Variants in FAS observed in about 807,000 individuals in gnomAD.
FAS encodes the protein Fas cell surface death receptor.
Under a neutral mutation model 33.2 loss-of-function variants are expected in FAS, and 5 were observed. The observed-to-expected ratio is 0.15, with a 90% CI of 0.08 to 0.32. The LOEUF (loss-of-function observed/expected upper bound fraction) is 0.32. Ranked by LOEUF, FAS falls within the 10% of genes least tolerant of loss-of-function variation. The probability of loss-of-function intolerance (pLI) is 1.00; values close to 1 mark genes in which losing one functional copy is unlikely to be tolerated. For missense variants in FAS, 339 were observed against 386.0 expected, an observed-to-expected ratio of 0.88 and a Z score of 1.02; for synonymous variants, 131 against 130.7, an observed-to-expected ratio of 1.00 and a Z score of -0.01.
intron 1 of FAS, among the ~76,000 whole-genome samples, chr10:89,000,207 C>A (rs1457563268): frequency 1.3e-5 from 2 of 152,116 alleles, no homozygotes; most frequent in Non-Finnish European, 2.9e-5. Context: ...AATTATAAGA[C>A]TACCAAAGAA....
chr10:89,014,277 C>T lies in FAS; in HGVS notation c.835C>T (p.Arg279Cys), dbSNP rs748130498. The T allele has an allele frequency of 5.0e-6, 8 of 1,613,902 alleles. No individual in the cohort carries two copies. The highest frequency in any genetic ancestry group is 2.2e-5 in the South Asian group (2 of 91,078). ...AGCAGAACAGAAAGTTCAACTGCTT[C>T]GTAATTGGCATCAACTTCATGGAAA... ...DTAEQKVQLL[R>C]NWHQLHGKKE... Residue 279 changes from arginine (R) to cysteine (C), a missense_variant, in exon 9 of 9, where the codon CGT (arginine) becomes TGT (cysteine). Transcript: ENST00000652046.
Position 88,978,572 on chromosome 10 carries a change from T to G in FAS, n.260+5225T>G, listed in dbSNP as rs534190554. Among the ~76,000 whole-genome samples, 12 of 152,306 alleles carry G rather than the reference T, an allele frequency of 7.9e-5. No homozygotes were observed. In the East Asian group the frequency reaches 2.3e-3, roughly 29 times the overall value. On this transcript the variant is annotated intron_variant and non_coding_transcript_variant, in intron 2 of 3. Transcript: ENST00000688239. ...AAGTGGTAAGAGAGAGAAAAGATTC[T>G]GTTCTATTGAAAGCCAATCTCAATG...
rs576604892 is a variant in FAS at position 88,995,296 on chromosome 10, T to C, written c.30+4390T>C. Among the ~76,000 whole-genome samples the C allele has an allele frequency of 2.0e-5, 3 of 152,278 alleles. No homozygotes were observed. In the East Asian group the frequency reaches 5.8e-4, roughly 29 times the overall value. On this transcript the variant is annotated intron_variant, in intron 1 of 8. Coordinates refer to ENST00000652046, the MANE Select transcript of FAS (RefSeq NM_000043.6). ...ACTGTCTTTGAAGTGACAGTGTGAG[T>C]AGTAAAGCCCAAATCAGAGAGAAAT...
At chr10:88,977,238 C>T (rs936660248) in intron 2 of FAS, among the ~76,000 whole-genome samples, 3 of 151,734 alleles carry the variant, frequency 2.0e-5, no homozygotes, top group African/African-American at 7.3e-5. Context: ...AGTCCTTGCC[C>T]ATGCCTATGT....
At chr10:88,967,086 A>G (rs1351565755) in intron 1 of FAS, among the ~76,000 whole-genome samples, 1 of 152,210 alleles carries the variant, frequency 6.6e-6, no homozygotes, top group African/African-American at 2.4e-5. Flanking sequence ...AGTGAACAGG[A>G]AGAGACCCTC....
At chr10:88,967,786 C>G (rs1222722670) in intron 1 of FAS, among the ~76,000 whole-genome samples, 6 of 152,190 alleles carry the variant, frequency 3.9e-5, no homozygotes, top group African/African-American at 1.4e-4. Context: ...TAAATGATGG[C>G]TCACACACCA....
chr10:88,971,417 C>G (rs924013438), intron 1 of FAS, among the ~76,000 whole-genome samples: 2 of 152,216 alleles, frequency 1.3e-5, no homozygotes, highest in Non-Finnish European at 2.9e-5. Context: ...CTGTTGCAGT[C>G]TTTGGCAACA....
intron 6 of FAS, among the ~76,000 whole-genome samples, chr10:89,011,178 G>A (rs1848511160): frequency 6.6e-6 from 1 of 152,178 alleles, no homozygotes; most frequent in Non-Finnish European, 1.5e-5. Flanking sequence ...ACATTGCAGG[G>A]AACACTTTAA....
At chr10:89,004,634 G>A (rs1848122678) in intron 2 of FAS, among the ~76,000 whole-genome samples, 2 of 151,430 alleles carry the variant, frequency 1.3e-5, no homozygotes, top group Non-Finnish European at 2.9e-5. Flanking sequence ...TTATCAATAT[G>A]ATGTAGGATT....
rs1455031577 is a variant in FAS at position 89,003,489 on chromosome 10, T to C, written c.196+295T>C. On this transcript the variant is annotated intron_variant, in intron 2 of 8. Transcript: ENST00000652046. Reference sequence around the variant, plus strand: ...AGCAAAAATGACTCATTTGTGAATATGAAAGCTTATCATGTCAAAACTGAT... The same window carrying C: ...AGCAAAAATGACTCATTTGTGAATACGAAAGCTTATCATGTCAAAACTGAT... Among the ~76,000 whole-genome samples the C allele has an allele frequency of 2.6e-5, 4 of 152,210 alleles. No homozygotes were observed. In the South Asian group the frequency reaches 8.3e-4, roughly 31 times the overall value.
intron 2 of FAS, among the ~76,000 whole-genome samples, chr10:88,977,479 T>A (rs978163361): frequency 6.6e-6 from 1 of 152,106 alleles, no homozygotes; most frequent in Non-Finnish European, 1.5e-5. Context: ...GTTGTAGATA[T>A]GCGGCGTTCA....
chr10:88,965,001 G>A (rs1194093490), intron 1 of FAS, among the ~76,000 whole-genome samples: 2 of 152,058 alleles, frequency 1.3e-5, no homozygotes, highest in Non-Finnish European at 2.9e-5. Flanking sequence ...GTCCAGCCCT[G>A]TGTATTCTAT....
upstream of FAS, among the ~76,000 whole-genome samples, chr10:88,982,123 A>G (rs904599368): frequency 5.9e-5 from 9 of 152,260 alleles, no homozygotes; most frequent in Admixed American, 6.5e-5. Context: ...TTCAAACCCC[A>G]GCTCTACAGC....
intron 1 of FAS, among the ~76,000 whole-genome samples, chr10:88,991,960 A>G (rs1259986407): frequency 6.6e-6 from 1 of 152,186 alleles, no homozygotes; most frequent in South Asian, 2.1e-4. Context: ...GCATAGCGAG[A>G]GAAGTGTTTA....
chr10:88,967,606 C>G (rs1436191561), intron 1 of FAS, among the ~76,000 whole-genome samples: 1 of 152,202 alleles, frequency 6.6e-6, no homozygotes, highest in African/African-American at 2.4e-5. Context: ...CCTTCAAACA[C>G]TAACCAAATC....
chr10:89,014,449 A>G lies in FAS; in HGVS notation c.1007A>G (p.Ter336TrpextTer9). Residue 336 changes from the stop codon to tryptophan (W), a stop_lost, in exon 9 of 9, where the codon TAG (stop) becomes TGG (tryptophan). Transcript: ENST00000652046. ...AGAAATGAAATCCAAAGCTTGGTCTAGAGTGAAAAACAACAAATTCAGTTC... is the reference window on the plus strand; with the variant it reads ...AGAAATGAAATCCAAAGCTTGGTCTGGAGTGAAAAACAACAAATTCAGTTC... Reference protein sequence around the residue: ...NFRNEIQSLV* With the variant: ...NFRNEIQSLVW 6.2e-7 allele frequency: 1 copy of G among 1,607,584 alleles called. No individual in the cohort carries two copies. Among genetic ancestry groups the G allele is most frequent in the Non-Finnish European group, 8.5e-7 (1 of 1,179,684 alleles).
Position 89,014,559 on chromosome 10 carries a change from T to G in FAS, c.*109T>G, listed in dbSNP as rs1269597670. On this transcript the variant is annotated 3_prime_UTR_variant, in exon 9 of 9. Coordinates refer to ENST00000652046, the MANE Select transcript of FAS (RefSeq NM_000043.6). Reference sequence around the variant, plus strand: ...GTTTTTTACTGGGTACATTTTATCATTTATTAGCGCTGAAGAGCCAACATA... The same window carrying G: ...GTTTTTTACTGGGTACATTTTATCAGTTATTAGCGCTGAAGAGCCAACATA... 9.8e-7 allele frequency: 1 copy of G among 1,021,682 alleles called. No individual in the cohort carries two copies. Among genetic ancestry groups the G allele is most frequent in the Admixed American group, 2.0e-5 (1 of 50,694 alleles). 63.3% of individuals were successfully genotyped at this position (1,021,682 alleles called of 1,614,324 possible).
intron 1 of FAS, among the ~76,000 whole-genome samples, chr10:88,997,332 A>G (rs998166240): frequency 6.6e-6 from 1 of 152,234 alleles, no homozygotes; most frequent in Admixed American, 6.5e-5. Flanking sequence ...CTCTAGCACT[A>G]AACTCAAAAT....
chr10:89,012,214 A>G (rs528366377), intron 7 of FAS, 133 bp downstream of exon 7: 144 of 791,082 alleles, frequency 1.8e-4, no homozygotes, highest in Admixed American at 1.0e-3. Flanking sequence ...GTCTTGCTCC[A>G]TAGCCCAGGC....
Sources: gnomAD v4.1 joint callset for allele counts (sites outside exome capture counted in the v4.1 genomes callset) on GRCh38, gnomAD v4.1.1 for gene constraint, MANE v1.5 for transcripts, NCBI Gene and HGNC (gene_info 2026-07-23, HGNC 2026-07-21) for gene names.